The following CCDC171 variants were observed in gnomAD, a reference collection of about 807,000 sequenced individuals.
The protein encoded by CCDC171 is coiled-coil domain containing 171.
CCDC171 carries 177 observed loss-of-function variants against 168.2 expected under a neutral mutation model. The ratio of observed to expected loss-of-function variants is 1.05; its 90% CI spans 0.93 to 1.19. The LOEUF (loss-of-function observed/expected upper bound fraction) is 1.19. Ranked by LOEUF, CCDC171 falls within the 50% of genes most tolerant of loss-of-function variation. CCDC171 has a pLI of 0.00. For synonymous variants in CCDC171, 687 were observed against 540.8 expected (o/e 1.27, Z -3.75); for missense variants, 1,991 against 1,539.0 (o/e 1.29, Z -4.91).
At chr9:15,878,026 C>T (rs12002304) in intron 24 of CCDC171, among the ~76,000 whole-genome samples, 39 of 152,026 alleles carry the variant, frequency 2.6e-4, no homozygotes, top group African/African-American at 8.9e-4. Context: ...CTATAAAAAC[C>T]CTGGAAGCCA....
intron 9 of CCDC171, among the ~76,000 whole-genome samples, chr9:15,676,142 T>G (rs200619715): frequency 6.6e-6 from 1 of 152,244 alleles, no homozygotes; most frequent in South Asian, 2.1e-4. Context: ...GTCACTGATA[T>G]CCTTTCTTCC....
At chr9:15,635,141 T>TA (rs375661905) in intron 7 of CCDC171, among the ~76,000 whole-genome samples, 78 of 152,230 alleles carry the variant, frequency 5.1e-4, no homozygotes, top group African/African-American at 1.7e-3. Context: ...AGAATTGACT[T>TA]ACACTATCAC....
chr9:15,592,780 C>G (rs1240791336), intron 5 of CCDC171, among the ~76,000 whole-genome samples: 1 of 151,918 alleles, frequency 6.6e-6, no homozygotes, highest in East Asian at 1.9e-4. Flanking sequence ...TCAGCTTGCA[C>G]CTGAAGGTAG....
At position 15,659,191 on chromosome 9, in the gene CCDC171, T is replaced by C. The variant is rs2048142725; in HGVS notation, c.915+1972T>C. Among the ~76,000 whole-genome samples the C allele has an allele frequency of 2.0e-5, 3 of 152,358 alleles. No homozygotes were observed. In the South Asian group the frequency reaches 6.2e-4, roughly 32 times the overall value. Reference sequence around the variant, plus strand: ...CATTTACTCTTGACATCCTGCTTTTTGTGAACAGATCCTTTCTTTATATTC... The same window carrying C: ...CATTTACTCTTGACATCCTGCTTTTCGTGAACAGATCCTTTCTTTATATTC... On this transcript the variant is annotated intron_variant, in intron 8 of 25. Transcript: ENST00000380701.
At chr9:15,939,191 CATATAG>C (rs1402573049) in intron 25 of CCDC171, among the ~76,000 whole-genome samples, 1 of 151,116 alleles carries the variant, frequency 6.6e-6, no homozygotes, top group Admixed American at 6.6e-5. Flanking sequence ...AGATAATATC[CATATAG>C]ATATAAATAT....
intron 22 of CCDC171, 53 bp from the exon 23 acceptor site, chr9:15,848,840 C>T: frequency 1.1e-6 from 1 of 946,152 alleles, no homozygotes; most frequent in Admixed American, 2.3e-5. Flanking sequence ...AAATGTGTAA[C>T]AGTTGTAGTA....
intron 4 of CCDC171, among the ~76,000 whole-genome samples, chr9:15,585,518 C>G (rs1159218870): frequency 1.3e-5 from 2 of 151,962 alleles, no homozygotes; most frequent in Non-Finnish European, 2.9e-5. Flanking sequence ...ACATAAAGTT[C>G]TAGGATAGGA....
At chr9:15,948,994 T>C (rs1287163239) in intron 25 of CCDC171, among the ~76,000 whole-genome samples, 3 of 152,328 alleles carry the variant, frequency 2.0e-5, no homozygotes, top group African/African-American at 7.2e-5. Flanking sequence ...CGAATTGATT[T>C]TAGTGTAAGG....
intron 6 of CCDC171, among the ~76,000 whole-genome samples, chr9:16,025,897 A>G (rs780758039): frequency 2.6e-5 from 4 of 152,206 alleles, no homozygotes; most frequent in Non-Finnish European, 5.9e-5. Context: ...AATGCACTAA[A>G]AGCCACTAAT....
Position 15,786,948 on chromosome 9 carries a change from C to T in CCDC171, c.3267+2254C>T, listed in dbSNP as rs192314989. Among the ~76,000 whole-genome samples, 620 of 152,204 alleles carry T rather than the reference C, an allele frequency of 4.1e-3. 1 individual carries two copies. Among genetic ancestry groups the T allele is most frequent in the Non-Finnish European group, 5.6e-3 (382 of 68,002 alleles). On this transcript the variant is annotated intron_variant, in intron 21 of 25. Transcript: ENST00000380701. ...AAGCTGCCCCTCTCCTATCTCCCTTCACTGATTCTCTTTTTGGACTCAGAC... is the reference window on the plus strand; with the variant it reads ...AAGCTGCCCCTCTCCTATCTCCCTTTACTGATTCTCTTTTTGGACTCAGAC...
chr9:15,703,946 T>C (rs1024434082), intron 11 of CCDC171, among the ~76,000 whole-genome samples: 2 of 152,166 alleles, frequency 1.3e-5, no homozygotes, highest in African/African-American at 4.8e-5. Flanking sequence ...ATCACCATAA[T>C]ATATATAGTA....
intron 1 of CCDC171, among the ~76,000 whole-genome samples, chr9:16,048,260 G>A (rs1163547812): frequency 6.6e-6 from 1 of 152,186 alleles, no homozygotes; most frequent in African/African-American, 2.4e-5. Context: ...CGTGGGAAAC[G>A]TGTAGAGCTC....
intron 24 of CCDC171, among the ~76,000 whole-genome samples, chr9:15,916,454 T>C (rs528740729): frequency 4.1e-4 from 63 of 152,146 alleles, no homozygotes; most frequent in African/African-American, 1.5e-3. Flanking sequence ...TTATATGAAT[T>C]AAAGTCGAAG....
intron 23 of CCDC171, among the ~76,000 whole-genome samples, chr9:15,868,561 G>T (rs2061889676): frequency 6.6e-6 from 1 of 151,716 alleles, no homozygotes; most frequent in Non-Finnish European, 1.5e-5. Flanking sequence ...GGAAACTATT[G>T]AGGAAAATAA....
chr9:15,694,082 C>G (rs1004849807), intron 10 of CCDC171, among the ~76,000 whole-genome samples: 1 of 152,216 alleles, frequency 6.6e-6, no homozygotes, highest in Non-Finnish European at 1.5e-5. Flanking sequence ...ATTGACAACT[C>G]TCTTACTGAA....
chr9:15,623,564 A>G, intron 7 of CCDC171, 151 bp downstream of exon 7: 1 of 446,582 alleles, frequency 2.2e-6, no homozygotes, highest in East Asian at 4.0e-5. Flanking sequence ...AATATATAAA[A>G]CTAATTTTAG....
chr9:15,706,484 C>T (rs2052246456), intron 11 of CCDC171, among the ~76,000 whole-genome samples: 1 of 151,974 alleles, frequency 6.6e-6, no homozygotes, highest in African/African-American at 2.4e-5. Context: ...GATGGGATTT[C>T]ACCATGTTGC....
intron 7 of CCDC171, among the ~76,000 whole-genome samples, chr9:15,646,718 G>A (rs1179261492): frequency 6.6e-6 from 1 of 152,156 alleles, no homozygotes; most frequent in African/African-American, 2.4e-5. Flanking sequence ...AAATATATAT[G>A]CACCCAATAC....
intron 25 of CCDC171, among the ~76,000 whole-genome samples, chr9:15,943,928 A>G (rs1464003420): frequency 6.6e-6 from 1 of 152,016 alleles, no homozygotes; most frequent in Non-Finnish European, 1.5e-5. Context: ...TTTGAGCTTG[A>G]TTTTGAAGGA....
Sources: allele counts gnomAD v4.1 joint callset (sites outside exome capture counted in the v4.1 genomes callset), GRCh38; gene constraint gnomAD v4.1.1; transcripts MANE v1.5; gene names NCBI Gene and HGNC (gene_info 2026-07-23, HGNC 2026-07-21).